NOL4L: variants seen among roughly 807,000 people sequenced by gnomAD.
NOL4L encodes nucleolar protein 4-like.
Under a neutral mutation model 64.5 loss-of-function variants are expected in NOL4L, and 7 were observed. That is an observed-to-expected ratio of 0.11 (90% CI 0.06 to 0.20). The LOEUF is 0.20. NOL4L is among the 10% of genes least tolerant of loss of function. NOL4L has a pLI of 1.00. For synonymous variants in NOL4L, 413 were observed against 401.0 expected (o/e 1.03, Z -0.36); for missense variants, 680 against 967.1 (o/e 0.70, Z 3.94).
intron 4 of NOL4L, among the ~76,000 whole-genome samples, chr20:32,476,163 C>A (rs1240931201): frequency 6.6e-6 from 1 of 151,092 alleles, no homozygotes; most frequent in Non-Finnish European, 1.5e-5. Flanking sequence ...CACCCACAGC[C>A]CTCCTTCGTG....
chr20:32,501,882 T>C (rs964026333), intron 4 of NOL4L, among the ~76,000 whole-genome samples: 20 of 152,154 alleles, frequency 1.3e-4, no homozygotes, highest in African/African-American at 4.6e-4. Context: ...AGGCAATGAC[T>C]AACTCTGGGG....
chr20:32,558,884 G>A (rs546891029), intron 1 of NOL4L, among the ~76,000 whole-genome samples: 35 of 152,340 alleles, frequency 2.3e-4, no homozygotes, highest in Admixed American at 7.2e-4. Context: ...GCCAAAGCAA[G>A]AGCCACTGCA....
chr20:32,529,784 C>T (rs992089783), intron 1 of NOL4L, among the ~76,000 whole-genome samples: 13 of 152,150 alleles, frequency 8.5e-5, no homozygotes, highest in South Asian at 2.1e-4. Flanking sequence ...TTCAGTGGGA[C>T]GTCTCAGATA....
At chr20:32,485,777 T>C (rs1235031944) in intron 4 of NOL4L, 1 of 470,772 alleles carries the variant, frequency 2.1e-6, no homozygotes, top group Admixed American at 2.4e-5. Context: ...GAAAATGAGA[T>C]AATTCAGACT....
chr20:32,539,285 G>A (rs968342644), intron 1 of NOL4L, among the ~76,000 whole-genome samples: 6 of 152,132 alleles, frequency 3.9e-5, no homozygotes, highest in Non-Finnish European at 7.4e-5. Flanking sequence ...TTCCTCAATC[G>A]AGCACCCAGG....
At chr20:32,450,417 G>A (rs1389351482) in intron 10 of NOL4L, 1 of 152,320 alleles carries the variant, frequency 6.6e-6, no homozygotes, top group Non-Finnish European at 1.5e-5. Context: ...CAGGCAAGGA[G>A]GTAAATGACC....
At chr20:32,535,529 A>C in intron 1 of NOL4L, 1 of 947,860 alleles carries the variant, frequency 1.1e-6, no homozygotes, top group Non-Finnish European at 1.3e-6. Context: ...GCCATCTGGA[A>C]CAGGCCTCAC....
chr20:32,571,618 C>G (rs1299803026), intron 1 of NOL4L, among the ~76,000 whole-genome samples: 2 of 152,134 alleles, frequency 1.3e-5, no homozygotes, highest in African/African-American at 4.8e-5. Context: ...ATCTCCTCCT[C>G]TCCCCATGGC....
chr20:32,463,762 A>G lies in NOL4L; in HGVS notation c.842-7367T>C, dbSNP rs2014299143. Among the ~76,000 whole-genome samples the G allele has an allele frequency of 6.6e-6, 1 of 152,122 alleles. No homozygotes were observed. On this transcript the variant is annotated intron_variant, in intron 5 of 10. Transcript: ENST00000621426. The surrounding 1 kb of genome is among the most constrained non-coding windows in gnomAD (Gnocchi z 5.8). Reference sequence around the variant, plus strand: ...AGTGCCCCGCAGCCCGCACAAGCCCAGCTCTGTGCGAACCACCAATCGCCA... The same window carrying G: ...AGTGCCCCGCAGCCCGCACAAGCCCGGCTCTGTGCGAACCACCAATCGCCA...
intron 1 of NOL4L, chr20:32,572,407 T>C (rs1201699541): frequency 1.3e-5 from 2 of 152,234 alleles, no homozygotes; most frequent in East Asian, 1.9e-4. Flanking sequence ...GAGGACTTCA[T>C]GTATTCCAGA....
chr20:32,511,075 ACGTCCCCTC>A (rs2017380041), intron 4 of NOL4L: 1 of 328,316 alleles, frequency 3.0e-6, no homozygotes, highest in African/African-American at 2.1e-5. Flanking sequence ...CCTCCCTTCC[ACGTCCCCTC>A]CTCCCCCTCC....
At chr20:32,573,130 C>T (rs2145621858) in intron 1 of NOL4L, among the ~76,000 whole-genome samples, 1 of 151,992 alleles carries the variant, frequency 6.6e-6, no homozygotes, top group East Asian at 1.9e-4. Context: ...CCTTAACCTC[C>T]CAGGCTCAAG....
At chr20:32,545,264 C>A (rs1015774663) in intron 1 of NOL4L, among the ~76,000 whole-genome samples, 1 of 152,098 alleles carries the variant, frequency 6.6e-6, no homozygotes, top group Non-Finnish European at 1.5e-5. Context: ...CAGAGCATGA[C>A]CCTGTCTCTA....
intron 1 of NOL4L, among the ~76,000 whole-genome samples, chr20:32,545,709 G>T (rs1368346018): frequency 6.6e-6 from 1 of 152,186 alleles, no homozygotes; most frequent in East Asian, 1.9e-4. Context: ...AAGTTCTGTT[G>T]GCTCCACCTT....
At chr20:32,461,134 C>T (rs1004528036) in intron 5 of NOL4L, among the ~76,000 whole-genome samples, 1 of 152,222 alleles carries the variant, frequency 6.6e-6, no homozygotes, top group African/African-American at 2.4e-5. Flanking sequence ...GCCCCACAAG[C>T]AGTGGATTTG....
intron 1 of NOL4L, among the ~76,000 whole-genome samples, chr20:32,552,295 C>T (rs1386264120): frequency 6.6e-6 from 1 of 152,082 alleles, no homozygotes. Context: ...AGTGATTTCG[C>T]CCGGGGAGAG....
At chr20:32,524,357 C>G (rs1378057520) in intron 2 of NOL4L, among the ~76,000 whole-genome samples, 1 of 152,212 alleles carries the variant, frequency 6.6e-6, no homozygotes, top group African/African-American at 2.4e-5. Context: ...ACATGGCCAT[C>G]TAACTCCAGC....
In NOL4L at chr20:32,460,862, A is replaced by G. The variant is rs1242608761; in HGVS notation, c.842-4467T>C. 2.0e-5 allele frequency among the ~76,000 whole-genome samples: 3 copies of G among 152,264 alleles called. No individual in the cohort carries two copies. The East Asian group carries it at 5.8e-4, about 29-fold the overall frequency. ...GGGCTCCAGAGGAGACGGGGCTCTG[A>G]AGGGGTGTCACCAGCTTTCTGGCCC... On this transcript the variant is annotated intron_variant, in intron 5 of 10. Transcript: ENST00000621426. This position sits in a 1 kb window ranked among gnomAD's most constrained non-coding sequence, Gnocchi z 5.7.
At chr20:32,452,583 C>T in intron 9 of NOL4L, 146 bp from the exon 10 acceptor site, 1 of 843,804 alleles carries the variant, frequency 1.2e-6, no homozygotes, top group Non-Finnish European at 1.8e-6. Context: ...CTGTCTGTCC[C>T]CTCCCCCAGC....
Sources: gnomAD v4.1 joint callset for allele counts (sites outside exome capture counted in the v4.1 genomes callset) on GRCh38, gnomAD v4.1.1 for gene constraint, Gnocchi (gnomAD v3.1) non-coding constraint, MANE v1.5 for transcripts, NCBI Gene and HGNC (gene_info 2026-07-23, HGNC 2026-07-21) for gene names.